The following SPATA16 variants were observed in gnomAD, a reference collection of about 807,000 sequenced individuals.
The protein encoded by SPATA16 is spermatogenesis-associated protein 16.
Under a neutral mutation model 63.3 loss-of-function variants are expected in SPATA16, and 36 were observed. That is an observed-to-expected ratio of 0.57 (90% CI 0.44 to 0.75). SPATA16 has a LOEUF of 0.75. SPATA16 is among the 30% of genes least tolerant of loss of function. SPATA16 has a pLI of 0.00. For synonymous variants in SPATA16, 203 were observed against 216.7 expected (o/e 0.94, Z 0.56); for missense variants, 646 against 679.3 (o/e 0.95, Z 0.54).
chr3:173,020,841 A>G (rs959041822), intron 3 of SPATA16, among the ~76,000 whole-genome samples: 2 of 152,204 alleles, frequency 1.3e-5, no homozygotes, highest in African/African-American at 4.8e-5. Flanking sequence ...TTATTAAGCA[A>G]CATTTTGTGA....
At chr3:172,986,006 G>A (rs918176561) in intron 4 of SPATA16, among the ~76,000 whole-genome samples, 1 of 152,126 alleles carries the variant, frequency 6.6e-6, no homozygotes, top group Non-Finnish European at 1.5e-5. Context: ...TGGAAAGGAG[G>A]TCTTACCTGG....
At chr3:172,945,109 T>C (rs181140598) in intron 6 of SPATA16, among the ~76,000 whole-genome samples, 3 of 152,320 alleles carry the variant, frequency 2.0e-5, no homozygotes, top group Non-Finnish European at 4.4e-5. Context: ...ATACAATACT[T>C]TTAATGTTTT....
Position 173,117,797 on chromosome 3 carries a change from C to T in SPATA16, c.-18-48G>A, listed in dbSNP as rs1737949857. On this transcript the variant is annotated intron_variant, in intron 1 of 10. Coordinates refer to ENST00000351008, the MANE Select transcript of SPATA16 (RefSeq NM_031955.6). ...AGTAATTAAGGCAATATTTTGAATT[C>T]CAGTGGTTTAGACTATAGTCAAATT... 4 of 1,612,462 alleles carry T rather than the reference C, an allele frequency of 2.5e-6. No individual in the cohort carries two copies. In the South Asian group the frequency reaches 3.3e-5, roughly 13 times the overall value.
At chr3:173,093,076 C>CACACATAT (rs372317726) in intron 2 of SPATA16, among the ~76,000 whole-genome samples, 44 of 144,052 alleles carry the variant, frequency 3.1e-4, no homozygotes, top group Non-Finnish European at 4.4e-4. Context: ...CACACACACA[C>CACACATAT]ATATATATAT....
At chr3:172,967,891 G>A (rs1434014622) in intron 5 of SPATA16, among the ~76,000 whole-genome samples, 1 of 152,148 alleles carries the variant, frequency 6.6e-6, no homozygotes, top group Non-Finnish European at 1.5e-5. Flanking sequence ...ATGGTGAGTT[G>A]TATAATTATT....
At chr3:173,012,603 G>A (rs1265471897) in intron 4 of SPATA16, among the ~76,000 whole-genome samples, 2 of 152,254 alleles carry the variant, frequency 1.3e-5, no homozygotes, top group African/African-American at 4.8e-5. Flanking sequence ...GAACAGAACA[G>A]AGAATCCAGA....
At chr3:172,995,223 G>A (rs1039190994) in intron 4 of SPATA16, among the ~76,000 whole-genome samples, 2 of 151,892 alleles carry the variant, frequency 1.3e-5, no homozygotes, top group African/African-American at 4.8e-5. Context: ...AGGGGGATGG[G>A]GTAAAATCTG....
rs185862006 is a variant in SPATA16 at position 173,110,854 on chromosome 3, G to C, written c.612+6266C>G. 4.5e-3 allele frequency among the ~76,000 whole-genome samples: 683 copies of C among 152,338 alleles called. 32 individuals are homozygous for C. The highest frequency in any genetic ancestry group is 0.042 in the Admixed American group (643 of 15,306). On this transcript the variant is annotated intron_variant, in intron 2 of 10. Coordinates refer to ENST00000351008, the MANE Select transcript of SPATA16 (RefSeq NM_031955.6). ...TAGAGGGGCAATGGCAGTCACTTGA[G>C]AACCTACTAGTGGTTTGGTATAAAT...
chr3:173,074,922 C>T (rs1184496998), intron 2 of SPATA16, among the ~76,000 whole-genome samples: 7 of 147,080 alleles, frequency 4.8e-5, no homozygotes, highest in Non-Finnish European at 4.5e-5. Context: ...CACTGGAACC[C>T]GGGAGGCAGA....
At chr3:172,909,237 A>AT (rs1706509893) in intron 10 of SPATA16, among the ~76,000 whole-genome samples, 1 of 152,162 alleles carries the variant, frequency 6.6e-6, no homozygotes, top group South Asian at 2.1e-4. Context: ...GCTACTCTAC[A>AT]TTGTTACCAA....
chr3:173,140,108 C>A (rs1738668268), intron 1 of SPATA16, among the ~76,000 whole-genome samples: 1 of 152,152 alleles, frequency 6.6e-6, no homozygotes, highest in African/African-American at 2.4e-5. Flanking sequence ...TGGTTGCTTT[C>A]TTTTAGTCAT....
rs531165242 is a variant in SPATA16, at chr3:173,138,788, C to T, written c.-19+2315G>A. The stretch of plus-strand genomic sequence containing the variant: ...AAAGAGACGCTTTCTAACACCTATC[C>T]TGTATCAGGTCAACTCAATTACCTT... On this transcript the variant is annotated intron_variant, in intron 1 of 10. Coordinates refer to ENST00000351008, the MANE Select transcript of SPATA16 (RefSeq NM_031955.6). Among the ~76,000 whole-genome samples the T allele has an allele frequency of 7.2e-4, 109 of 152,306 alleles. 1 individual carries two copies. In the Middle Eastern group the frequency reaches 0.014, roughly 19 times the overall value.
At chr3:172,920,892 G>A (rs1732601043) in intron 8 of SPATA16, among the ~76,000 whole-genome samples, 1 of 152,040 alleles carries the variant, frequency 6.6e-6, no homozygotes. Flanking sequence ...ATCATCTTTT[G>A]GGTCTCCTGC....
At chr3:172,989,295 C>A (rs76863282) in intron 4 of SPATA16, among the ~76,000 whole-genome samples, 1 of 152,164 alleles carries the variant, frequency 6.6e-6, no homozygotes, top group African/African-American at 2.4e-5. Flanking sequence ...AAAACATATT[C>A]TGGCTCACAA....
Position 172,889,478 on chromosome 3 carries a change from T to C in SPATA16, c.*92A>G, listed in dbSNP as rs892103462. 112 of 1,580,780 alleles carry C rather than the reference T, an allele frequency of 7.1e-5. No homozygotes were observed. The highest frequency in any genetic ancestry group is 6.1e-6 in the Non-Finnish European group (7 of 1,155,700). Reference sequence around the variant, plus strand: ...CTTTCTTTTGGTGACAAGCTTTTGTTATCCAGCTTCACAGTACTAGGTGGG... The same window carrying C: ...CTTTCTTTTGGTGACAAGCTTTTGTCATCCAGCTTCACAGTACTAGGTGGG... On this transcript the variant is annotated 3_prime_UTR_variant, in exon 11 of 11. Coordinates refer to ENST00000351008, the MANE Select transcript of SPATA16 (RefSeq NM_031955.6).
rs567028227 is a variant in SPATA16, at chr3:173,074,256, G to T, written c.613-25162C>A. ...TGAGTTAAGACTTTGGGGGACTCTT[G>T]GGAAGGCATGATTGGTTTTCAAATG... On this transcript the variant is annotated intron_variant, in intron 2 of 10. Transcript: ENST00000351008. Among the ~76,000 whole-genome samples, 28 of 152,264 alleles carry T rather than the reference G, an allele frequency of 1.8e-4. 1 individual carries two copies. The highest frequency in any genetic ancestry group is 5.1e-4 in the African/African-American group (21 of 41,554).
intron 1 of SPATA16, among the ~76,000 whole-genome samples, chr3:173,118,986 C>G (rs1317460671): frequency 6.6e-6 from 1 of 152,150 alleles, no homozygotes; most frequent in Non-Finnish European, 1.5e-5. Context: ...AGTCACTTCT[C>G]AAAACTTATT....
At chr3:172,928,805 G>T (rs1178531036) in intron 6 of SPATA16, among the ~76,000 whole-genome samples, 2 of 152,074 alleles carry the variant, frequency 1.3e-5, no homozygotes, top group African/African-American at 4.8e-5. Context: ...TTAAAATGTA[G>T]GAGGCTCCTA....
intron 6 of SPATA16, among the ~76,000 whole-genome samples, chr3:172,951,660 C>G (rs1733437202): frequency 6.6e-6 from 1 of 152,126 alleles, no homozygotes; most frequent in Non-Finnish European, 1.5e-5. Flanking sequence ...TGTGAATACT[C>G]TCCCTGCTCA....
Sources: gnomAD v4.1 joint callset for allele counts (sites outside exome capture counted in the v4.1 genomes callset) on GRCh38, gnomAD v4.1.1 for gene constraint, MANE v1.5 for transcripts, NCBI Gene and HGNC (gene_info 2026-07-23, HGNC 2026-07-21) for gene names.